The following ITPKB variants were observed in gnomAD, a reference collection of about 807,000 sequenced individuals.
ITPKB encodes inositol-trisphosphate 3-kinase B.
A neutral mutation model predicts 69.4 loss-of-function variants in ITPKB; 13 were observed. The ratio of observed to expected loss-of-function variants is 0.19; its 90% CI spans 0.12 to 0.30. The LOEUF is 0.30. Ranked by LOEUF, ITPKB falls within the 10% of genes least tolerant of loss-of-function variation. The pLI is 1.00. For missense variants in ITPKB, 1,240 were observed against 1,250.5 expected, an observed-to-expected ratio of 0.99 and a Z score of 0.13; for synonymous variants, 584 against 513.7, an observed-to-expected ratio of 1.14 and a Z score of -1.85.
rs777837462 is a variant in ITPKB at position 226,735,654 on chromosome 1, G to A, written c.1805C>T (p.Ser602Leu). 4.3e-6 allele frequency: 7 copies of A among 1,611,814 alleles called. No individual in the cohort carries two copies. Among genetic ancestry groups the A allele is most frequent in the Non-Finnish European group, 5.1e-6 (6 of 1,178,752 alleles). ...TGAGGAGAAGCCCGTGGAGGAGGCC[G>A]AGGAAGAGGACAGTTTCCTCAGGGG... ...NLPLRKLSSS[S>L]ASSTGFSSSY... The change falls in exon 2 of 8, where the codon TCG (serine) becomes TTG (leucine). Residue 602 changes from serine to leucine, a missense_variant. Physicochemically the swap from Ser to Leu is moderately radical, Grantham distance 145 (BLOSUM62 -2). Transcript: ENST00000429204.
chr1:226,637,735 G>A lies in ITPKB; in HGVS notation c.2569C>T (p.Arg857Trp), dbSNP rs774159006. The A allele has an allele frequency of 2.5e-6, 4 of 1,613,670 alleles. No homozygotes were observed. The highest frequency in any genetic ancestry group is 2.2e-5 in the South Asian group (2 of 91,004). The change falls in exon 7 of 8, where the codon CGG (arginine) becomes TGG (tryptophan). Residue 857 changes from arginine to tryptophan, a missense_variant. Arg to Trp is a moderately radical substitution (Grantham distance 101). Around this residue, in one of 2 missense-constraint regions of ITPKB, gnomAD observed 248 missense variants for 396.7 expected, o/e 0.63. Coordinates refer to ENST00000429204, the MANE Select transcript of ITPKB (RefSeq NM_002221.4). This position sits in a 1 kb window ranked among gnomAD's most constrained non-coding sequence, Gnocchi z 4.3. ...NHNILIAYRD[R>W]LKAIRTTLEV... ...AGAGTGGTTCGAATGGCCTTCAGCC[G>A]GTCCCGATAGGCGATCTGGGAATAG...
chr1:226,729,574 G>A (rs917939342), intron 2 of ITPKB, among the ~76,000 whole-genome samples: 1 of 150,572 alleles, frequency 6.6e-6, no homozygotes, highest in African/African-American at 2.4e-5. Flanking sequence ...AAAAGTTTTT[G>A]TTTTGTTTTT....
chr1:226,654,409 G>T (rs1024629615), intron 2 of ITPKB, among the ~76,000 whole-genome samples: 9 of 152,174 alleles, frequency 5.9e-5, no homozygotes, highest in Non-Finnish European at 1.2e-4. Context: ...TCGCCTTGGG[G>T]AAGCTCAGGG....
At chr1:226,652,385 G>A (rs1414003535) in intron 2 of ITPKB, among the ~76,000 whole-genome samples, 5 of 152,176 alleles carry the variant, frequency 3.3e-5, no homozygotes, top group Admixed American at 6.5e-5. Flanking sequence ...CTGGCTGGAG[G>A]AAGCCCCAGT....
Position 226,663,573 on chromosome 1 carries a change from C to T in ITPKB, c.1933-14802G>A, listed in dbSNP as rs1669440746. The stretch of plus-strand genomic sequence containing the variant: ...CCAGGCTGGAGTGGAGTCAGTGGCG[C>T]AATCACGGCTCACCTACAGCCTTAA... On this transcript the variant is annotated intron_variant, in intron 2 of 7. Transcript: ENST00000429204. 2.0e-5 allele frequency among the ~76,000 whole-genome samples: 3 copies of T among 152,190 alleles called. 1 individual carries two copies. The South Asian group carries it at 6.2e-4, about 32-fold the overall frequency.
chr1:226,640,596 C>T (rs754552956), intron 5 of ITPKB, among the ~76,000 whole-genome samples: 14 of 152,158 alleles, frequency 9.2e-5, no homozygotes, highest in African/African-American at 2.2e-4. Context: ...GCTGTTCTGA[C>T]GGCTGGACAA....
intron 2 of ITPKB, among the ~76,000 whole-genome samples, chr1:226,734,154 T>A (rs1456026705): frequency 6.6e-6 from 1 of 152,210 alleles, no homozygotes; most frequent in African/African-American, 2.4e-5. Context: ...CGCTTCCCCC[T>A]CTAAAGGTGG....
rs1417576917 is a variant in ITPKB, at chr1:226,736,201, A to C, written c.1258T>G (p.Ser420Ala). ...CTTCGGGCCTCCTCAGGGCCTACGG[A>C]GGCCAGGGCCCTGGGCAGCCTGGAC... Reference protein sequence around the residue: ...SWSRLPRALASVGPEEARSGA... With the variant: ...SWSRLPRALAAVGPEEARSGA... The change falls in exon 2 of 8, where the codon TCC (serine) becomes GCC (alanine). Residue 420 changes from serine (S) to alanine (A), a missense_variant. Ser to Ala is a moderately conservative substitution (Grantham distance 99). Transcript: ENST00000429204. 3.9e-6 allele frequency: 6 copies of C among 1,534,976 alleles called. No individual in the cohort carries two copies. In the East Asian group the frequency reaches 1.1e-4, roughly 29 times the overall value.
intron 2 of ITPKB, among the ~76,000 whole-genome samples, chr1:226,715,049 T>G (rs1657062937): frequency 6.6e-6 from 1 of 152,260 alleles, no homozygotes; most frequent in Non-Finnish European, 1.5e-5. Context: ...TAAGAATATC[T>G]TGGTTCATAG....
In ITPKB at chr1:226,737,225, G is replaced by C; in HGVS notation, c.234C>G (p.Gly78=). 1 of 1,565,522 alleles carries C rather than the reference G, an allele frequency of 6.4e-7. No homozygotes were observed. Among genetic ancestry groups the C allele is most frequent in the Non-Finnish European group, 8.6e-7 (1 of 1,163,068 alleles). Residue 78 remains glycine, a synonymous_variant, in exon 2 of 8, where the codon GGC becomes GGG. Transcript: ENST00000429204. ...CGCTGCTACTATTCAGCCTGCGCCG[G>C]CCGCTCCGCCAGCCCCCGGGGCTCC... ...EPRSPGGWRS[G]RRRLNSSSGS...
At chr1:226,659,891 A>T (rs1053736658) in intron 2 of ITPKB, among the ~76,000 whole-genome samples, 2 of 152,214 alleles carry the variant, frequency 1.3e-5, no homozygotes, top group Admixed American at 1.3e-4. Context: ...TACTCCCGGC[A>T]TCTGGCTGAT....
intron 2 of ITPKB, among the ~76,000 whole-genome samples, chr1:226,726,390 G>A (rs1657414330): frequency 6.6e-6 from 1 of 152,216 alleles, no homozygotes; most frequent in South Asian, 2.1e-4. Flanking sequence ...CAGGCTCAGT[G>A]GCTCCCAGCT....
At chr1:226,669,009 T>C (rs1051320123) in intron 2 of ITPKB, 13 of 152,242 alleles carry the variant, frequency 8.5e-5, no homozygotes, top group African/African-American at 3.1e-4. Context: ...AATTCAATAA[T>C]AGAAATGTTT....
chr1:226,731,049 C>T (rs774600688), intron 2 of ITPKB, among the ~76,000 whole-genome samples: 5 of 152,222 alleles, frequency 3.3e-5, no homozygotes, highest in Admixed American at 6.5e-5. Context: ...TAGAATCAAT[C>T]TCTCTTTGTC....
chr1:226,683,757 G>T (rs987786487), intron 2 of ITPKB, among the ~76,000 whole-genome samples: 12 of 152,046 alleles, frequency 7.9e-5, no homozygotes, highest in African/African-American at 2.9e-4. Flanking sequence ...TTCTTCATCT[G>T]AGAAAATGGC....
At chr1:226,647,865 G>A (rs1490215966) in intron 3 of ITPKB, among the ~76,000 whole-genome samples, 1 of 152,246 alleles carries the variant, frequency 6.6e-6, no homozygotes, top group Non-Finnish European at 1.5e-5. Flanking sequence ...CACTTCTTCT[G>A]AGCCAGACCA....
chr1:226,655,269 C>T (rs916460903), intron 2 of ITPKB, among the ~76,000 whole-genome samples: 1 of 152,232 alleles, frequency 6.6e-6, no homozygotes, highest in Non-Finnish European at 1.5e-5. Flanking sequence ...GTCCAAAATT[C>T]AGTAAGAATG....
At position 226,736,369 on chromosome 1, in the gene ITPKB, G is replaced by T. The variant is rs368044845; in HGVS notation, c.1090C>A (p.Arg364Ser). 1 of 1,612,328 alleles carries T rather than the reference G, an allele frequency of 6.2e-7. No homozygotes were observed. Among genetic ancestry groups the T allele is most frequent in the South Asian group, 1.1e-5 (1 of 91,052 alleles). ...ATCTTCCCAGGGGGTTCTCCATCGC[G>T]GGGCCCGCCCCTTTCTGGGGCTGGG... ...TSPAPERGGP[R>S]DGEPPGKMGK... The change falls in exon 2 of 8, where the codon CGC becomes AGC. Residue 364 changes from arginine to serine, a missense_variant. Around this residue, in one of 2 missense-constraint regions of ITPKB, gnomAD observed 992 missense variants for 853.8 expected, o/e 1.16. Coordinates refer to ENST00000429204, the MANE Select transcript of ITPKB (RefSeq NM_002221.4).
At chr1:226,732,091 C>T (rs1471099962) in intron 2 of ITPKB, among the ~76,000 whole-genome samples, 12 of 111,642 alleles carry the variant, frequency 1.1e-4, no homozygotes, top group African/African-American at 1.1e-4. Flanking sequence ...GACAACAAAA[C>T]TAGTCAACAT....
Sources: gnomAD v4.1 joint callset for allele counts (sites outside exome capture counted in the v4.1 genomes callset) on GRCh38, gnomAD v4.1.1 for gene constraint, gnomAD v4.1.1 regional missense constraint, Gnocchi (gnomAD v3.1) non-coding constraint, MANE v1.5 for transcripts, NCBI Gene and HGNC (gene_info 2026-07-23, HGNC 2026-07-21) for gene names.